The following GPR137C variants were observed in gnomAD, a reference collection of about 807,000 sequenced individuals.
The protein encoded by GPR137C is G protein-coupled receptor 137C, also known as integral membrane protein GPR137C.
Under a neutral mutation model 43.4 loss-of-function variants are expected in GPR137C, and 27 were observed. The ratio of observed to expected loss-of-function variants is 0.62; its 90% confidence interval spans 0.46 to 0.86. The LOEUF (loss-of-function observed/expected upper bound fraction) is 0.86, where lower values mean the gene tolerates loss of function less well. GPR137C is among the 40% of genes least tolerant of loss of function. The pLI is 0.00. For missense variants in GPR137C, 522 were observed against 534.6 expected (o/e 0.98, Z 0.23); for synonymous variants, 285 against 226.9 (o/e 1.26, Z -2.30).
intron 1 of GPR137C, among the ~76,000 whole-genome samples, chr14:52,554,461 C>A (rs2038161378): frequency 6.6e-6 from 1 of 152,112 alleles, no homozygotes; most frequent in Admixed American, 6.5e-5. Context: ...GTATTTGACC[C>A]ATTTCAAACA....
chr14:52,556,836 T>C (rs1377372569), intron 1 of GPR137C, among the ~76,000 whole-genome samples: 1 of 152,134 alleles, frequency 6.6e-6, no homozygotes, highest in East Asian at 1.9e-4. Flanking sequence ...AGTGTTGTGA[T>C]GCATGCCAAA....
chr14:52,631,374 A>G (rs1011946200), intron 3 of GPR137C, among the ~76,000 whole-genome samples: 1 of 152,168 alleles, frequency 6.6e-6, no homozygotes, highest in African/African-American at 2.4e-5. Context: ...CCAAAACACT[A>G]TACTGGGTGT....
intron 1 of GPR137C, among the ~76,000 whole-genome samples, chr14:52,580,454 T>C (rs2038626678): frequency 6.6e-6 from 1 of 152,170 alleles, no homozygotes; most frequent in African/African-American, 2.4e-5. Flanking sequence ...TCTTCGCCTC[T>C]GGGCCCAAGC....
intron 1 of GPR137C, among the ~76,000 whole-genome samples, chr14:52,581,654 G>T (rs1330165203): frequency 6.6e-6 from 1 of 152,106 alleles, no homozygotes; most frequent in Non-Finnish European, 1.5e-5. Flanking sequence ...GCTTGGGAAT[G>T]GTGCGCTACT....
chr14:52,623,511 A>C (rs1269748239), intron 3 of GPR137C, among the ~76,000 whole-genome samples: 1 of 152,168 alleles, frequency 6.6e-6, no homozygotes, highest in Non-Finnish European at 1.5e-5. Flanking sequence ...TGATACCTAC[A>C]TCTAAAATTT....
At chr14:52,569,739 A>G (rs1014830598) in intron 1 of GPR137C, among the ~76,000 whole-genome samples, 5 of 152,012 alleles carry the variant, frequency 3.3e-5, no homozygotes, top group Admixed American at 3.3e-4. Context: ...ACAAGATTAG[A>G]GAAAAAAGAA....
intron 6 of GPR137C, 130 bp downstream of exon 6, chr14:52,634,076 C>A: frequency 1.5e-6 from 1 of 645,698 alleles, no homozygotes; most frequent in Non-Finnish European, 2.8e-6. Context: ...ATCGGCAATA[C>A]TGGAGTTTAA....
At chr14:52,555,030 T>C (rs2038171282) in intron 1 of GPR137C, among the ~76,000 whole-genome samples, 1 of 151,976 alleles carries the variant, frequency 6.6e-6, no homozygotes, top group African/African-American at 2.4e-5. Context: ...TAGTTGTCGT[T>C]TAAGCTGTTA....
chr14:52,584,975 C>G (rs1167972281), intron 1 of GPR137C, among the ~76,000 whole-genome samples: 1 of 152,112 alleles, frequency 6.6e-6, no homozygotes, highest in Non-Finnish European at 1.5e-5. Context: ...ATCAACTGCT[C>G]AACTTTAACT....
At chr14:52,555,236 A>C (rs1327217803) in intron 1 of GPR137C, among the ~76,000 whole-genome samples, 2 of 152,224 alleles carry the variant, frequency 1.3e-5, no homozygotes, top group Non-Finnish European at 2.9e-5. Context: ...TTACAAAATA[A>C]TATGAATGAT....
intron 1 of GPR137C, among the ~76,000 whole-genome samples, chr14:52,559,132 C>T (rs909310174): frequency 2.1e-4 from 32 of 152,190 alleles, no homozygotes; most frequent in African/African-American, 7.0e-4. Context: ...AATCCCAGCA[C>T]TTTGGGAGGC....
In GPR137C at chr14:52,596,997, A is replaced by G. The variant is rs778812509; in HGVS notation, c.445-1275A>G. 26 of 455,090 alleles carry G rather than the reference A, an allele frequency of 5.7e-5. 1 individual carries two copies. Among genetic ancestry groups the G allele is most frequent in the South Asian group, 2.9e-4 (19 of 64,516 alleles). 28.2% of individuals were successfully genotyped at this position (455,090 alleles called of 1,614,324 possible). ...ATCTCCAAATGGTGCGTTTGTAACA[A>G]TGCATTTCTCAGAACATATATCTCT... On this transcript the variant is annotated intron_variant, in intron 1 of 6. Coordinates refer to ENST00000321662, the MANE Select transcript of GPR137C (RefSeq NM_001099652.2).
chr14:52,600,099 T>A lies in GPR137C; in HGVS notation c.489-14T>A. ...TTAGTTATATAACCATCTAATATACTTTTTTTCTTTCAGAATTCTACTGCA... is the reference window on the plus strand; with the variant it reads ...TTAGTTATATAACCATCTAATATACATTTTTTCTTTCAGAATTCTACTGCA... On this transcript the variant is annotated splice_polypyrimidine_tract_variant and intron_variant, in intron 2 of 6. Coordinates refer to ENST00000321662, the MANE Select transcript of GPR137C (RefSeq NM_001099652.2). 6.4e-7 allele frequency: 1 copy of A among 1,567,252 alleles called. No homozygotes were observed. The highest frequency in any genetic ancestry group is 8.8e-7 in the Non-Finnish European group (1 of 1,138,612).
intron 3 of GPR137C, among the ~76,000 whole-genome samples, chr14:52,606,598 A>G (rs1007464415): frequency 3.9e-5 from 6 of 152,064 alleles, no homozygotes; most frequent in African/African-American, 1.4e-4. Context: ...CACCACACCC[A>G]GCCAATTTTT....
intron 3 of GPR137C, chr14:52,612,155 A>G (rs916085141): frequency 5.1e-6 from 5 of 983,608 alleles, no homozygotes; most frequent in Non-Finnish European, 6.0e-6. Context: ...TCTGATTATT[A>G]AAACTTGGCA....
chr14:52,618,766 T>G (rs961819495), intron 3 of GPR137C, among the ~76,000 whole-genome samples: 7 of 152,116 alleles, frequency 4.6e-5, no homozygotes, highest in African/African-American at 7.2e-5. Flanking sequence ...AGAAGACATA[T>G]TACTTTCAAA....
intron 1 of GPR137C, among the ~76,000 whole-genome samples, chr14:52,573,236 T>C (rs981562796): frequency 6.6e-6 from 1 of 152,192 alleles, no homozygotes; most frequent in Non-Finnish European, 1.5e-5. Flanking sequence ...AAATTTCATA[T>C]GGAACCAAAA....
chr14:52,633,408 T>A, intron 4 of GPR137C, 122 bp from the exon 5 acceptor site: 1 of 720,454 alleles, frequency 1.4e-6, no homozygotes, highest in South Asian at 2.6e-5. Context: ...TAGAAAGTTT[T>A]AGAGTTTATG....
At chr14:52,611,187 A>G (rs1443813627) in intron 3 of GPR137C, among the ~76,000 whole-genome samples, 1 of 151,962 alleles carries the variant, frequency 6.6e-6, no homozygotes, top group African/African-American at 2.4e-5. Flanking sequence ...GATTTATCTA[A>G]TTGTTATGCA....
Sources: allele counts gnomAD v4.1 joint callset (sites outside exome capture counted in the v4.1 genomes callset), GRCh38; gene constraint gnomAD v4.1.1; transcripts MANE v1.5; gene names NCBI Gene and HGNC (gene_info 2026-07-23, HGNC 2026-07-21).